CPLANE1: variants seen among roughly 807,000 people sequenced by gnomAD.
CPLANE1 encodes ciliogenesis and planar polarity effector 1.
CPLANE1 carries 263 observed loss-of-function variants against 362.5 expected under a neutral mutation model. That is an observed-to-expected ratio of 0.73 (90% CI 0.66 to 0.80). The LOEUF (loss-of-function observed/expected upper bound fraction) is 0.80. Among genes scored for constraint, CPLANE1 ranks in the 30% least tolerant of loss-of-function variants. CPLANE1 has a pLI of 0.00. For synonymous variants in CPLANE1, 1,212 were observed against 1,302.6 expected, an observed-to-expected ratio of 0.93 and a Z score of 1.50; for missense variants, 3,461 against 3,793.4, an observed-to-expected ratio of 0.91 and a Z score of 2.30.
At chr5:37,084,052 G>A in the CPLANE1 span, among the ~76,000 whole-genome samples, 3 of 152,292 alleles carry the variant, frequency 2.0e-5, no homozygotes, top group East Asian at 5.8e-4. Context: ...AACCTATAAA[G>A]GAAAACCTAT....
At chr5:37,248,407 G>T (rs138069116) in intron 1 of CPLANE1, among the ~76,000 whole-genome samples, 4,295 of 152,250 alleles carry the variant, frequency 0.028, 92 homozygotes, top group Middle Eastern at 0.1. Flanking sequence ...TGGGATTACA[G>T]GCGTGATCCA....
intron 50 of CPLANE1, among the ~76,000 whole-genome samples, chr5:37,116,971 G>C (rs1331761878): frequency 6.6e-6 from 1 of 152,174 alleles, no homozygotes; most frequent in Non-Finnish European, 1.5e-5. Context: ...GTGTGACAGA[G>C]GCCACAAGAA....
At position 37,120,282 on chromosome 5, in the gene CPLANE1, A is replaced by C. The variant is rs545791930; in HGVS notation, c.9244T>G (p.Ser3082Ala). The C allele has an allele frequency of 1.2e-5, 20 of 1,600,760 alleles. No homozygotes were observed. In the South Asian group the frequency reaches 2.2e-4, roughly 17 times the overall value. Residue 3082 changes from serine to alanine, a missense_variant, in exon 50 of 53, where the codon TCC (serine) becomes GCC (alanine). Ser to Ala is a moderately conservative substitution (Grantham distance 99). This residue lies in a region of CPLANE1 where 3,380 missense variants were observed against 3,666.1 expected (regional missense o/e 0.92). Coordinates refer to ENST00000651892, the MANE Select transcript of CPLANE1 (RefSeq NM_001384732.1). ...INRPGKVKYM[S>A]KPSYIHKRKS... ...CTCTTATGGATATAACTCGGTTTGG[A>C]CATATATTTGACTTTTCCAGGTCGA...
intron 4 of CPLANE1, among the ~76,000 whole-genome samples, chr5:37,244,811 C>T (rs1157613913): frequency 6.6e-6 from 1 of 151,822 alleles, no homozygotes; most frequent in African/African-American, 2.4e-5. Context: ...CTTAAGGAGA[C>T]GGATCGCTTT....
chr5:37,172,802 A>T (rs578085488), intron 32 of CPLANE1, among the ~76,000 whole-genome samples: 6 of 152,186 alleles, frequency 3.9e-5, no homozygotes, highest in Non-Finnish European at 7.3e-5. Flanking sequence ...CCTGGCCAAC[A>T]TGGCGAAACT....
intron 5 of CPLANE1, among the ~76,000 whole-genome samples, chr5:37,243,414 A>G (rs2150771340): frequency 6.6e-6 from 1 of 151,962 alleles, no homozygotes; most frequent in East Asian, 1.9e-4. Context: ...CTTTTATACT[A>G]TTTAAATTAG....
intron 46 of CPLANE1, among the ~76,000 whole-genome samples, chr5:37,130,994 G>A (rs1213570962): frequency 1.3e-5 from 2 of 152,208 alleles, no homozygotes; most frequent in Admixed American, 1.3e-4. Flanking sequence ...GTTATAGGCT[G>A]CAGTGAATGT....
rs1282825261 is a variant in CPLANE1 at position 37,142,485 on chromosome 5, T to C, written c.8462-5A>G. On this transcript the variant is annotated splice_polypyrimidine_tract_variant and splice_region_variant and intron_variant, in intron 43 of 52. Coordinates refer to ENST00000651892, the MANE Select transcript of CPLANE1 (RefSeq NM_001384732.1). ...CCATATGGGTCAAAAAACGCACTAA[T>C]CCAGAGTATATATTACAATTAAAAT... 1.3e-6 allele frequency: 2 copies of C among 1,558,684 alleles called. No homozygotes were observed. Among genetic ancestry groups the C allele is most frequent in the Admixed American group, 3.9e-5 (2 of 51,796 alleles).
In CPLANE1 at chr5:37,107,667, T is replaced by G. The variant is rs1004303690; in HGVS notation, c.9691A>C (p.Ile3231Leu). Residue 3231 changes from isoleucine to leucine, a missense_variant, in exon 53 of 53, where the codon ATC becomes CTC. By Grantham distance (5) the Ile-to-Leu change is conservative. Coordinates refer to ENST00000651892, the MANE Select transcript of CPLANE1 (RefSeq NM_001384732.1). ...SILSKLDWNA[I>L]EDMVASVEDQ... ...TCCACGCTGGCCACCATGTCTTCGA[T>G]GGCATTCCAGTCCAGCTTGCTGAGG... is the stretch of plus-strand genomic sequence containing the variant. 25 of 1,611,734 alleles carry G rather than the reference T, an allele frequency of 1.6e-5. No homozygotes were observed. Among genetic ancestry groups the G allele is most frequent in the Non-Finnish European group, 2.1e-5 (25 of 1,179,196 alleles).
At chr5:37,229,090 C>T (rs897233792) in intron 9 of CPLANE1, among the ~76,000 whole-genome samples, 6 of 149,056 alleles carry the variant, frequency 4.0e-5, no homozygotes, top group Non-Finnish European at 8.9e-5. Flanking sequence ...CGTGGTGGCG[C>T]GCGCCTGCAA....
chr5:37,194,485 T>C (rs1482097098), intron 21 of CPLANE1, among the ~76,000 whole-genome samples: 1 of 152,086 alleles, frequency 6.6e-6, no homozygotes, highest in African/African-American at 2.4e-5. Context: ...CTTTTCCAGA[T>C]GACACCTGCC....
chr5:37,138,676 A>C, intron 46 of CPLANE1, 44 bp downstream of exon 46: 1 of 1,567,508 alleles, frequency 6.4e-7, no homozygotes, highest in Non-Finnish European at 8.7e-7. Flanking sequence ...TTCTTGAATG[A>C]GAAGCATTTT....
At chr5:37,210,416 A>C (rs1580764682) in intron 16 of CPLANE1, 8 of 993,864 alleles carry the variant, frequency 8.0e-6, no homozygotes, top group African/African-American at 4.8e-5. Flanking sequence ...ATGAACTCCT[A>C]AAGTATCAAC....
At chr5:37,102,344 T>G (rs1012298900), downstream of CPLANE1, among the ~76,000 whole-genome samples, 6 of 152,066 alleles carry the variant, frequency 3.9e-5, no homozygotes, top group Non-Finnish European at 5.9e-5. Context: ...TGCACCATCA[T>G]GACCGGCTAA....
intron 17 of CPLANE1, 74 bp from the exon 18 acceptor site, chr5:37,205,528 T>C (rs1790466650): frequency 3.0e-6 from 3 of 1,000,472 alleles, no homozygotes; most frequent in East Asian, 2.7e-5. Context: ...TATCAAGGAC[T>C]AAACATGAAA....
the CPLANE1 span, among the ~76,000 whole-genome samples, chr5:37,092,815 C>T: frequency 0.017 from 2,563 of 152,260 alleles, 32 homozygotes; most frequent in Middle Eastern, 0.044. Flanking sequence ...TGATCAGTTA[C>T]GCTGATTAGT....
Position 37,173,738 on chromosome 5 carries a change from T to C in CPLANE1, c.6171+17A>G, listed in dbSNP as rs377012739. On this transcript the variant is annotated intron_variant, in intron 32 of 52. Coordinates refer to ENST00000651892, the MANE Select transcript of CPLANE1 (RefSeq NM_001384732.1). ...CACTATGTGTAGATTTACTTACTTATATAGAGATGTGCTTACCTGAACTAA... is the reference window on the plus strand; with the variant it reads ...CACTATGTGTAGATTTACTTACTTACATAGAGATGTGCTTACCTGAACTAA... The C allele has an allele frequency of 1.9e-6, 3 of 1,602,812 alleles. No individual in the cohort carries two copies. The highest frequency in any genetic ancestry group is 2.2e-5 in the South Asian group (2 of 90,732).
intron 42 of CPLANE1, among the ~76,000 whole-genome samples, chr5:37,152,133 T>C (rs1374740722): frequency 6.6e-6 from 1 of 152,218 alleles, no homozygotes; most frequent in African/African-American, 2.4e-5. Flanking sequence ...ATTCTTATCC[T>C]GCAGACTATT....
At chr5:37,090,536 A>G in the CPLANE1 span, among the ~76,000 whole-genome samples, 2 of 152,234 alleles carry the variant, frequency 1.3e-5, no homozygotes, top group East Asian at 1.9e-4. Context: ...AATAGAGCAC[A>G]TACTTCCTGC....
Sources: gnomAD v4.1 joint callset for allele counts (sites outside exome capture counted in the v4.1 genomes callset) on GRCh38, gnomAD v4.1.1 for gene constraint, gnomAD v4.1.1 regional missense constraint, MANE v1.5 for transcripts, NCBI Gene and HGNC (gene_info 2026-07-23, HGNC 2026-07-21) for gene names.